The following KIF11 variants were observed in gnomAD, a reference collection of about 807,000 sequenced individuals.
The protein encoded by KIF11 is kinesin-like protein KIF11.
In KIF11, 9 loss-of-function variants were observed where a neutral mutation model predicts 121.0. That is an observed-to-expected ratio of 0.07 (90% CI 0.04 to 0.13). KIF11 has a LOEUF of 0.13. Ranked by LOEUF, KIF11 falls within the 10% of genes least tolerant of loss-of-function variation. The pLI is 1.00. For synonymous variants in KIF11, 408 were observed against 421.0 expected (o/e 0.97, Z 0.38); for missense variants, 846 against 1,217.5 (o/e 0.69, Z 4.54).
chr10:92,635,588 A>G (rs1041243708), intron 14 of KIF11, among the ~76,000 whole-genome samples: 2 of 152,214 alleles, frequency 1.3e-5, no homozygotes, highest in Non-Finnish European at 2.9e-5. Context: ...CAATAGTAAC[A>G]TCAAAGATCA....
intron 1 of KIF11, chr10:92,597,151 T>A: frequency 3.7e-6 from 1 of 273,362 alleles, no homozygotes; most frequent in Non-Finnish European, 7.4e-6. Flanking sequence ...GGTGGCAATC[T>A]TCACTTCTCC....
chr10:92,653,836 T>TA lies in KIF11; in HGVS notation c.*45dup, dbSNP rs1343473585. Reference sequence around the variant, plus strand: ...GGCAATTTTATTTTTAAAGAAAACTTAAAAATAAAACCTGAAACCCCAGAA... The same window carrying TA: ...GGCAATTTTATTTTTAAAGAAAACTTAAAAAATAAAACCTGAAACCCCAGAA... On this transcript the variant is annotated 3_prime_UTR_variant, in exon 22 of 22. Transcript: ENST00000260731. The TA allele has an allele frequency of 6.4e-7, 1 of 1,568,970 alleles. No homozygotes were observed. Among genetic ancestry groups the TA allele is most frequent in the Non-Finnish European group, 8.7e-7 (1 of 1,152,236 alleles).
chr10:92,618,135 T>A (rs1000161810), intron 9 of KIF11, among the ~76,000 whole-genome samples: 1 of 152,190 alleles, frequency 6.6e-6, no homozygotes, highest in Non-Finnish European at 1.5e-5. Flanking sequence ...TGGTGAAATG[T>A]CTATTCAAAT....
rs374159901 is a variant in KIF11 at position 92,621,596 on chromosome 10, T to TTGTGTGTGTGTGTGTGTGTG, written c.1217+138_1217+139insGTGTGTGTGTGTGTGTGTGT. 20,484 of 595,662 alleles carry TTGTGTGTGTGTGTGTGTGTG rather than the reference T, an allele frequency of 0.034. 1,054 individuals carry two copies. The highest frequency in any genetic ancestry group is 0.19 in the African/African-American group (9,458 of 50,970). The allele number at this position is 595,662 out of a possible 1,614,324, so 36.9% of individuals were successfully genotyped here. A position where few individuals can be genotyped will look rare whatever the true frequency, so the allele number is the denominator to read the frequency against. On this transcript the variant is annotated intron_variant, in intron 10 of 21. Coordinates refer to ENST00000260731, the MANE Select transcript of KIF11 (RefSeq NM_004523.4). ...ATCCAGTGCCGATAAATACTTCATT[T>TTGTGTGTGTGTGTGTGTGTG]TGTGTGTGTGTGTGTTTTCTTTTGA...
chr10:92,603,266 T>TTC (rs1554859096), intron 1 of KIF11, among the ~76,000 whole-genome samples: 45 of 136,404 alleles, frequency 3.3e-4, no homozygotes, highest in African/African-American at 1.0e-3. Context: ...TTCTTTTCTT[T>TTC]TTTTTTTTTT....
intron 21 of KIF11, among the ~76,000 whole-genome samples, chr10:92,652,603 T>C (rs1274718097): frequency 1.3e-5 from 2 of 152,222 alleles, no homozygotes; most frequent in African/African-American, 2.4e-5. Context: ...TTTTGCTTTA[T>C]TCCTTACTAT....
Position 92,628,859 on chromosome 10 carries a change from T to G in KIF11, c.1269T>G (p.Ile423Met). The G allele has an allele frequency of 6.2e-7, 1 of 1,604,398 alleles. No homozygotes were observed. The highest frequency in any genetic ancestry group is 8.5e-7 in the Non-Finnish European group (1 of 1,173,062). ...TVQEEQIVEL[I>M]EKIGAVEEEL... is the part of the protein sequence containing the mutation. ...AAGAAGAGCAGATTGTAGAATTGAT[T>G]GAAAAAATTGGTGCTGTTGAGGAGG... Residue 423 changes from isoleucine to methionine, a missense_variant, in exon 11 of 22, where the codon ATT becomes ATG. Ile to Met is a conservative substitution (Grantham distance 10). Transcript: ENST00000260731.
intron 11 of KIF11, among the ~76,000 whole-genome samples, chr10:92,629,611 A>G (rs909504333): frequency 6.6e-6 from 1 of 151,222 alleles, no homozygotes; most frequent in Non-Finnish European, 1.5e-5. Flanking sequence ...ACCTTTATTT[A>G]TTTATTTTTA....
chr10:92,635,512 CACA>C (rs1221196912), intron 14 of KIF11, among the ~76,000 whole-genome samples: 1 of 152,162 alleles, frequency 6.6e-6, no homozygotes, highest in Non-Finnish European at 1.5e-5. Flanking sequence ...ACAATCAGAA[CACA>C]ACGTTTATCA....
intron 8 of KIF11, among the ~76,000 whole-genome samples, chr10:92,614,061 C>T (rs1321804593): frequency 3.2e-5 from 4 of 123,512 alleles, no homozygotes; most frequent in Non-Finnish European, 6.9e-5. Context: ...CACACACACA[C>T]ACACATATAG....
intron 1 of KIF11, among the ~76,000 whole-genome samples, chr10:92,599,644 T>C (rs1237039882): frequency 6.8e-6 from 1 of 147,902 alleles, no homozygotes; most frequent in Non-Finnish European, 1.5e-5. Flanking sequence ...TGTGTAATTT[T>C]AGAGTTTTCT....
chr10:92,612,408 G>T (rs764698822), intron 6 of KIF11, among the ~76,000 whole-genome samples: 1 of 152,136 alleles, frequency 6.6e-6, no homozygotes, highest in Non-Finnish European at 1.5e-5. Flanking sequence ...AAAGTGTTGG[G>T]ATTACAGGCA....
At position 92,606,728 on chromosome 10, in the gene KIF11, G is replaced by A. The variant is rs1257593640; in HGVS notation, c.308+12G>A. 2.4e-6 allele frequency: 3 copies of A among 1,261,024 alleles called. No homozygotes were observed. The East Asian group carries it at 6.9e-5, about 29-fold the overall frequency. The allele number at this position is 1,261,024 out of a possible 1,614,324, so 78.1% of individuals were successfully genotyped here. A position where few individuals can be genotyped will look rare whatever the true frequency, so the allele number is the denominator to read the frequency against. ...TGCACTATCTTTGCGTAAGTAAAAG[G>A]GTGTTTTTTCTGATTTATGAAAAAG... On this transcript the variant is annotated intron_variant, in intron 3 of 21. Transcript: ENST00000260731.
rs1589608805 is a variant in KIF11 at position 92,650,319 on chromosome 10, G to A, written c.2923-82G>A. 7 of 780,966 alleles carry A rather than the reference G, an allele frequency of 9.0e-6. No individual in the cohort carries two copies. In the East Asian group the frequency reaches 1.5e-4, roughly 16 times the overall value. 48.4% of individuals were successfully genotyped at this position (780,966 alleles called of 1,614,324 possible). ...ACTTTTATATTATACCATGGGCATT[G>A]TGTTATACTCAAAGCTGCTGTTACT... On this transcript the variant is annotated intron_variant, in intron 20 of 21. Coordinates refer to ENST00000260731, the MANE Select transcript of KIF11 (RefSeq NM_004523.4).
At chr10:92,594,432 G>T (rs1844268783) in intron 1 of KIF11, among the ~76,000 whole-genome samples, 1 of 152,126 alleles carries the variant, frequency 6.6e-6, no homozygotes, top group Non-Finnish European at 1.5e-5. Flanking sequence ...CTTACTAGTT[G>T]TTGTACTCTG....
At chr10:92,620,475 T>C (rs2135909323) in intron 9 of KIF11, among the ~76,000 whole-genome samples, 1 of 152,334 alleles carries the variant, frequency 6.6e-6, no homozygotes, top group East Asian at 1.9e-4. Context: ...CCTAGGTTTC[T>C]TAGTGTCATT....
intron 10 of KIF11, among the ~76,000 whole-genome samples, chr10:92,624,862 C>A (rs575257418): frequency 6.6e-6 from 1 of 151,738 alleles, no homozygotes; most frequent in Non-Finnish European, 1.5e-5. Flanking sequence ...CTCTGCCCCC[C>A]AGGTTCAAGC....
chr10:92,608,458 A>ATTC, intron 4 of KIF11, among the ~76,000 whole-genome samples: 1 of 150,388 alleles, frequency 6.6e-6, no homozygotes, highest in East Asian at 2.0e-4. Context: ...TTTTTTTTTG[A>ATTC]GACGGAGTCT....
At position 92,609,031 on chromosome 10, in the gene KIF11, T is replaced by C. The variant is rs750165931; in HGVS notation, c.399T>C (p.Ala133=). Residue 133 remains alanine (A), a synonymous_variant, in exon 5 of 22, where the codon GCT becomes GCC. Coordinates refer to ENST00000260731, the MANE Select transcript of KIF11 (RefSeq NM_004523.4). ...EEYTWEEDPL[A]GIIPRTLHQI... is the part of the protein sequence containing the mutation. Reference sequence around the variant, plus strand: ...TATTATAATTTCAGGATCCCTTGGCTGGTATAATTCCACGTACCCTTCATC... The same window carrying C: ...TATTATAATTTCAGGATCCCTTGGCCGGTATAATTCCACGTACCCTTCATC... 1 of 1,545,996 alleles carries C rather than the reference T, an allele frequency of 6.5e-7. No homozygotes were observed.
Sources: gnomAD v4.1 joint callset for allele counts (sites outside exome capture counted in the v4.1 genomes callset) on GRCh38, gnomAD v4.1.1 for gene constraint, MANE v1.5 for transcripts, NCBI Gene and HGNC (gene_info 2026-07-23, HGNC 2026-07-21) for gene names.